Variants in SLC4A3 observed in about 807,000 individuals in gnomAD.
The protein encoded by SLC4A3 is anion exchange protein 3.
Under a neutral mutation model 114.2 loss-of-function variants are expected in SLC4A3, and 47 were observed. The ratio of observed to expected loss-of-function variants is 0.41; its 90% CI spans 0.33 to 0.52. The LOEUF (loss-of-function observed/expected upper bound fraction) is 0.52, where lower values mean the gene tolerates loss of function less well. SLC4A3 is among the 20% of genes least tolerant of loss of function. The probability of loss-of-function intolerance (pLI) is 0.21; values close to 1 mark genes in which losing one functional copy is unlikely to be tolerated. For missense variants in SLC4A3, 1,312 were observed against 1,668.3 expected (o/e 0.79, Z 3.72); for synonymous variants, 693 against 710.3 (o/e 0.98, Z 0.39).
Position 219,628,295 on chromosome 2 carries a change from C to G in SLC4A3, c.52-110C>G. ...CAGGCCTGGGAGCAAGGGGAGGGGG[C>G]CCGATGGTGTGAGAGCCTGCTGAGC... On this transcript the variant is annotated intron_variant, in intron 2 of 22. Coordinates refer to ENST00000358055, the MANE Select transcript of SLC4A3 (RefSeq NM_005070.4). This position sits in a 1 kb window ranked among gnomAD's most constrained non-coding sequence, Gnocchi z 4.8. 2 of 1,185,604 alleles carry G rather than the reference C, an allele frequency of 1.7e-6. No homozygotes were observed. The highest frequency in any genetic ancestry group is 3.2e-5 in the South Asian group (2 of 62,080). The allele number at this position is 1,185,604 out of a possible 1,614,324, so 73.4% of individuals were successfully genotyped here.
At position 219,636,240 on chromosome 2, in the gene SLC4A3, A is replaced by T; in HGVS notation, c.2192-62A>T. On this transcript the variant is annotated intron_variant, in intron 14 of 22. Coordinates refer to ENST00000358055, the MANE Select transcript of SLC4A3 (RefSeq NM_005070.4). The surrounding 1 kb of genome is among the most constrained non-coding windows in gnomAD (Gnocchi z 5.5). ...TGGGGGCCCCAGTTTAGGACAAGCT[A>T]GATGAAGAAGGGGGCAGATAGACAG... 2 of 1,597,726 alleles carry T rather than the reference A, an allele frequency of 1.3e-6. 1 individual carries two copies. The highest frequency in any genetic ancestry group is 2.2e-5 in the South Asian group (2 of 90,678).
chr2:219,634,617 C>T lies in SLC4A3; in HGVS notation c.1746+13C>T. 6.2e-7 allele frequency: 1 copy of T among 1,612,568 alleles called. No individual in the cohort carries two copies. Among genetic ancestry groups the T allele is most frequent in the Admixed American group, 1.7e-5 (1 of 59,928 alleles). ...TATGTCTGACAAGGTTGGGCGCGTG[C>T]TGGCTCTCAAGGCCTCTTCTCCTAG... On this transcript the variant is annotated intron_variant, in intron 12 of 22. Transcript: ENST00000358055.
In SLC4A3 at chr2:219,637,363, G is replaced by A. The variant is rs568732430; in HGVS notation, c.2536-218G>A. Reference sequence around the variant, plus strand: ...TGGTATGTTGTGTTTTTTTTGTGTTGTATGTGTTATGTGTGTGTTGTTACG... The same window carrying A: ...TGGTATGTTGTGTTTTTTTTGTGTTATATGTGTTATGTGTGTGTTGTTACG... On this transcript the variant is annotated intron_variant, in intron 16 of 22. Coordinates refer to ENST00000358055, the MANE Select transcript of SLC4A3 (RefSeq NM_005070.4). The surrounding 1 kb of genome is among the most constrained non-coding windows in gnomAD (Gnocchi z 4.6). Among the ~76,000 whole-genome samples the A allele has an allele frequency of 1.3e-4, 19 of 151,692 alleles. No individual in the cohort carries two copies. The highest frequency in any genetic ancestry group is 4.1e-4 in the African/African-American group (17 of 41,390).
In SLC4A3 at chr2:219,637,653, C is replaced by G; in HGVS notation, c.2608C>G (p.Leu870Val). ...GALEGSLDAG[L>V]EPNGSALPPT... ...CCTGGAGGGGTCCCTGGATGCTGGT[C>G]TGGAGCCAAATGGCAGTGCCCTGCC... Residue 870 changes from leucine to valine, a missense_variant, in exon 17 of 23, where the codon CTG (leucine) becomes GTG (valine). Physicochemically the swap from Leu to Val is conservative, Grantham distance 32. This residue lies in a region of SLC4A3 where 771 missense variants were observed against 977.7 expected (regional missense o/e 0.79). Transcript: ENST00000358055. This position sits in a 1 kb window ranked among gnomAD's most constrained non-coding sequence, Gnocchi z 4.6. The G allele has an allele frequency of 5.0e-6, 8 of 1,613,186 alleles. No individual in the cohort carries two copies. Among genetic ancestry groups the G allele is most frequent in the Non-Finnish European group, 6.8e-6 (8 of 1,179,232 alleles).
rs1040148190 is a variant in SLC4A3, at chr2:219,631,552, T to C, written c.812-416T>C. On this transcript the variant is annotated intron_variant, in intron 6 of 22. Transcript: ENST00000358055. The surrounding 1 kb of genome is among the most constrained non-coding windows in gnomAD (Gnocchi z 6.3). ...GAAGCCCTGCCTGAGTCTACTGGGCTGTGTACCTTCGGGGAGGGGACGTGG... is the reference window on the plus strand; with the variant it reads ...GAAGCCCTGCCTGAGTCTACTGGGCCGTGTACCTTCGGGGAGGGGACGTGG... The C allele has an allele frequency of 1.7e-5, 19 of 1,147,434 alleles. No homozygotes were observed. The South Asian group carries it at 1.9e-4, about 12-fold the overall frequency. The allele number at this position is 1,147,434 out of a possible 1,614,324, so 71.1% of individuals were successfully genotyped here.
Position 219,628,072 on chromosome 2 carries a change from A to G in SLC4A3, c.51+29A>G, listed in dbSNP as rs1404245247. 9.9e-6 allele frequency: 15 copies of G among 1,508,176 alleles called. No homozygotes were observed. The highest frequency in any genetic ancestry group is 1.2e-5 in the South Asian group (1 of 80,140). The allele number at this position is 1,508,176 out of a possible 1,614,324, so 93.4% of individuals were successfully genotyped here. On this transcript the variant is annotated intron_variant, in intron 2 of 22. Transcript: ENST00000358055. The surrounding 1 kb of genome is among the most constrained non-coding windows in gnomAD (Gnocchi z 4.8). ...ATCGGCGCGCGCGGGGGCGGGGGAG[A>G]GATGGGGGAGGAGAGGGGAGGGACC... is the stretch of plus-strand genomic sequence containing the variant.
chr2:219,630,355 G>T lies in SLC4A3; in HGVS notation c.811+3G>T. 6.3e-7 allele frequency: 1 copy of T among 1,592,130 alleles called. No homozygotes were observed. The highest frequency in any genetic ancestry group is 1.1e-5 in the South Asian group (1 of 90,226). ...TGCAGACCTGGACGACATGAAGAGTGAGTGAGACCTTGTGGCAGCCCCCAT... is the reference window on the plus strand; with the variant it reads ...TGCAGACCTGGACGACATGAAGAGTTAGTGAGACCTTGTGGCAGCCCCCAT... On this transcript the variant is annotated splice_donor_region_variant and intron_variant, in intron 6 of 22. Coordinates refer to ENST00000358055, the MANE Select transcript of SLC4A3 (RefSeq NM_005070.4). The surrounding 1 kb of genome is among the most constrained non-coding windows in gnomAD (Gnocchi z 6.9).
chr2:219,638,363 TC>T lies in SLC4A3; in HGVS notation c.2856+113del. ...TTGGGATCAGGCCTGAACTCAACTT[TC>T]CCAGTGGAGTGGCCGCCCTGGGGGC... On this transcript the variant is annotated intron_variant, in intron 18 of 22. Transcript: ENST00000358055. The surrounding 1 kb of genome is among the most constrained non-coding windows in gnomAD (Gnocchi z 7.5). The T allele has an allele frequency of 1.1e-6, 1 of 927,706 alleles. No individual in the cohort carries two copies. Among genetic ancestry groups the T allele is most frequent in the Non-Finnish European group, 1.7e-6 (1 of 597,376 alleles). 57.5% of individuals were successfully genotyped at this position (927,706 alleles called of 1,614,324 possible).
chr2:219,639,697 A>G lies in SLC4A3; in HGVS notation c.3239A>G (p.Glu1080Gly), dbSNP rs1699250942. 6.2e-7 allele frequency: 1 copy of G among 1,611,170 alleles called. No homozygotes were observed. Among genetic ancestry groups the G allele is most frequent in the South Asian group, 1.1e-5 (1 of 91,066 alleles). Residue 1080 changes from glutamate to glycine, a missense_variant, in exon 20 of 23, where the codon GAG becomes GGG. Coordinates refer to ENST00000358055, the MANE Select transcript of SLC4A3 (RefSeq NM_005070.4). The surrounding 1 kb of genome is among the most constrained non-coding windows in gnomAD (Gnocchi z 5.9). ...AAGCCCCAGATCCAGGAGGTGCGGG[A>G]GCAGCGGGTCACTGGTGTGCTCATC... The part of the protein sequence containing the change: ...GDKPQIQEVR[E>G]QRVTGVLIAS...
chr2:219,637,797 T>C lies in SLC4A3; in HGVS notation c.2752T>C (p.Phe918Leu). The C allele has an allele frequency of 1.2e-6, 2 of 1,613,556 alleles. No homozygotes were observed. The highest frequency in any genetic ancestry group is 1.7e-6 in the Non-Finnish European group (2 of 1,179,556). Residue 918 changes from phenylalanine (F) to leucine (L), a missense_variant, in exon 17 of 23, where the codon TTC becomes CTC. By Grantham distance (22) the Phe-to-Leu change is conservative. Transcript: ENST00000358055. The surrounding 1 kb of genome is among the most constrained non-coding windows in gnomAD (Gnocchi z 4.6). Reference protein sequence around the residue: ...FFLRKFRNSRFLGGKARRIIG... With the variant: ...FFLRKFRNSRLLGGKARRIIG... ...CCTGCGCAAGTTCAGGAACAGCCGC[T>C]TCCTGGGGGGCAAGGTGCGTGGCTG... is the stretch of plus-strand genomic sequence containing the variant.
chr2:219,634,643 GCCCTGCTTAC>G, intron 12 of SLC4A3, 39 bp downstream of exon 12: 1 of 1,599,164 alleles, frequency 6.3e-7, no homozygotes, highest in Admixed American at 1.7e-5. Flanking sequence ...CTTCTCCTAG[GCCCTGCTTAC>G]CCCTGTCCCT....
rs1347947611 is a variant in SLC4A3, at chr2:219,635,420, G to A, written c.1896G>A (p.Leu632=). 1.2e-6 allele frequency: 2 copies of A among 1,614,046 alleles called. No homozygotes were observed. The highest frequency in any genetic ancestry group is 1.7e-6 in the Non-Finnish European group (2 of 1,180,030). The part of the protein sequence containing the change: ...LRSVAAFQRE[L]LRKRREREQT... ...CCGTGGCTGCTTTCCAGCGAGAGCTGCTTAGGAAGCGGCGAGAGCGTGAAC... is the reference window on the plus strand; with the variant it reads ...CCGTGGCTGCTTTCCAGCGAGAGCTACTTAGGAAGCGGCGAGAGCGTGAAC... The change falls in exon 13 of 23, where the codon CTG becomes CTA. Residue 632 remains leucine (L), a synonymous_variant. Transcript: ENST00000358055.
intron 12 of SLC4A3, 93 bp from the exon 13 acceptor site, chr2:219,635,178 C>G (rs1230472352): frequency 1.1e-6 from 1 of 947,110 alleles, no homozygotes; most frequent in Non-Finnish European, 1.7e-6. Context: ...TCCACCCTGC[C>G]TGTAGCTCAG....
chr2:219,628,765 A>T lies in SLC4A3; in HGVS notation c.217+195A>T. Reference sequence around the variant, plus strand: ...CCATCGCCTGTCCGCCTGCCTGGGGAGGTGGGCCCCAGACCAGGGGAGATC... The same window carrying T: ...CCATCGCCTGTCCGCCTGCCTGGGGTGGTGGGCCCCAGACCAGGGGAGATC... On this transcript the variant is annotated intron_variant, in intron 3 of 22. Coordinates refer to ENST00000358055, the MANE Select transcript of SLC4A3 (RefSeq NM_005070.4). This position sits in a 1 kb window ranked among gnomAD's most constrained non-coding sequence, Gnocchi z 4.8. The T allele has an allele frequency of 3.0e-6, 2 of 664,556 alleles. No homozygotes were observed. Among genetic ancestry groups the T allele is most frequent in the Non-Finnish European group, 5.0e-6 (2 of 399,910 alleles). The allele number at this position is 664,556 out of a possible 1,614,324, so 41.2% of individuals were successfully genotyped here.
Position 219,638,400 on chromosome 2 carries a change from C to G in SLC4A3, c.2856+147C>G. The G allele has an allele frequency of 1.4e-6, 1 of 690,624 alleles. No individual in the cohort carries two copies. The highest frequency in any genetic ancestry group is 1.8e-5 in the African/African-American group (1 of 56,434). The allele number at this position is 690,624 out of a possible 1,614,324, so 42.8% of individuals were successfully genotyped here. A position where few individuals can be genotyped will look rare whatever the true frequency, so the allele number is the denominator to read the frequency against. On this transcript the variant is annotated intron_variant, in intron 18 of 22. Coordinates refer to ENST00000358055, the MANE Select transcript of SLC4A3 (RefSeq NM_005070.4). This position sits in a 1 kb window ranked among gnomAD's most constrained non-coding sequence, Gnocchi z 7.5. ...GGCCGCCCTGGGGGCTGAGGGCCTT[C>G]CCCAGGGAGCCTGAGTGATGAATCC... is the stretch of plus-strand genomic sequence containing the variant.
chr2:219,628,147 C>T lies in SLC4A3; in HGVS notation c.51+104C>T. The T allele has an allele frequency of 1.0e-6, 1 of 960,252 alleles. No individual in the cohort carries two copies. Among genetic ancestry groups the T allele is most frequent in the Admixed American group, 3.1e-5 (1 of 32,358 alleles). 59.5% of individuals were successfully genotyped at this position (960,252 alleles called of 1,614,324 possible). ...GGCCGACCCCGGGACCCCCCAGATC[C>T]AGGGATGAGCTGGGCTGGGGGTTAC... On this transcript the variant is annotated intron_variant, in intron 2 of 22. Transcript: ENST00000358055. This position sits in a 1 kb window ranked among gnomAD's most constrained non-coding sequence, Gnocchi z 4.8.
In SLC4A3 at chr2:219,632,365, C is replaced by T. The variant is rs147844855; in HGVS notation, c.1064C>T (p.Thr355Met). 8.7e-6 allele frequency: 14 copies of T among 1,613,962 alleles called. No individual in the cohort carries two copies. The highest frequency in any genetic ancestry group is 2.2e-5 in the South Asian group (2 of 91,048). ...IKFEEDVEEE[T>M]ERWGKPHVAS... Reference sequence around the variant, plus strand: ...TTTGAGGAGGACGTGGAGGAGGAGACGGAGCGCTGGGGGAAGCCCCATGTT... The same window carrying T: ...TTTGAGGAGGACGTGGAGGAGGAGATGGAGCGCTGGGGGAAGCCCCATGTT... The change falls in exon 8 of 23, where the codon ACG becomes ATG. Residue 355 changes from threonine to methionine, a missense_variant. Thr to Met is a moderately conservative substitution (Grantham distance 81). Coordinates refer to ENST00000358055, the MANE Select transcript of SLC4A3 (RefSeq NM_005070.4).
chr2:219,640,615 A>G lies in SLC4A3; in HGVS notation c.3447+16A>G, dbSNP rs1161251553. On this transcript the variant is annotated intron_variant, in intron 21 of 22. Transcript: ENST00000358055. ...TGTGACCAAGGTAGGGCCGGGAAGC[A>G]TGGGGGTAGGGCAGTGGGGTGACGG... is the stretch of plus-strand genomic sequence containing the variant. 17 of 1,612,254 alleles carry G rather than the reference A, an allele frequency of 1.1e-5. No individual in the cohort carries two copies. The Admixed American group carries it at 2.8e-4, about 27-fold the overall frequency.
intron 22 of SLC4A3, 26 bp downstream of exon 22, chr2:219,640,988 C>T (rs2106207821): frequency 6.3e-7 from 1 of 1,598,082 alleles, no homozygotes; most frequent in Non-Finnish European, 8.5e-7. Flanking sequence ...TCTGGGGAAA[C>T]AGTGTTAGGG....
Sources: allele counts gnomAD v4.1 joint callset (sites outside exome capture counted in the v4.1 genomes callset), GRCh38; gene constraint gnomAD v4.1.1; regional missense constraint gnomAD v4.1.1; non-coding constraint Gnocchi (gnomAD v3.1); transcripts MANE v1.5; gene names NCBI Gene and HGNC (gene_info 2026-07-23, HGNC 2026-07-21).